The following SLC12A6 variants were observed in gnomAD, a reference collection of about 807,000 sequenced individuals.
The protein encoded by SLC12A6 is K-Cl cotransporter 3.
In SLC12A6, 66 loss-of-function variants were observed where a neutral mutation model predicts 135.3. That is an observed-to-expected ratio of 0.49 (90% CI 0.40 to 0.60). SLC12A6 has a LOEUF of 0.60. SLC12A6 is among the 20% of genes least tolerant of loss of function. The pLI is 0.00. For missense variants in SLC12A6, 1,058 were observed against 1,452.3 expected, an observed-to-expected ratio of 0.73 and a Z score of 4.41; for synonymous variants, 513 against 508.8, an observed-to-expected ratio of 1.01 and a Z score of -0.11.
At chr15:34,236,450 C>T (rs1595398924) in intron 23 of SLC12A6, among the ~76,000 whole-genome samples, 1 of 152,146 alleles carries the variant, frequency 6.6e-6, no homozygotes, top group East Asian at 1.9e-4. Context: ...GGTTTAAGCA[C>T]TTCTCTGCCT....
At chr15:34,327,799 C>T (rs1266660175) in intron 2 of SLC12A6, among the ~76,000 whole-genome samples, 3 of 152,080 alleles carry the variant, frequency 2.0e-5, no homozygotes, top group African/African-American at 7.2e-5. Flanking sequence ...TATTAGTGTT[C>T]TCTCTTCTCT....
chr15:34,259,897 C>T (rs184408816), intron 4 of SLC12A6, among the ~76,000 whole-genome samples: 1 of 152,100 alleles, frequency 6.6e-6, no homozygotes. Context: ...AAGTAGAACT[C>T]GTAGTAATAG....
At chr15:34,257,428 T>C (rs999977639) in intron 6 of SLC12A6, 1 of 531,024 alleles carries the variant, frequency 1.9e-6, no homozygotes, top group Non-Finnish European at 3.4e-6. Flanking sequence ...TGCTTTGTAA[T>C]TTCTAGTACA....
intron 13 of SLC12A6, among the ~76,000 whole-genome samples, chr15:34,249,579 TAGAAA>T (rs1182247778): frequency 2.6e-5 from 4 of 151,438 alleles, no homozygotes; most frequent in African/African-American, 7.3e-5. Flanking sequence ...AATAAATAAG[TAGAAA>T]AGAAAAGAAG....
rs111631907 is a variant in SLC12A6, at chr15:34,235,591, T to C, written c.3228-277A>G. 0.016 allele frequency among the ~76,000 whole-genome samples: 2,370 copies of C among 151,856 alleles called. 66 individuals carry two copies. Among genetic ancestry groups the C allele is most frequent in the African/African-American group, 0.055 (2,270 of 41,388 alleles). On this transcript the variant is annotated intron_variant, in intron 24 of 25. Coordinates refer to ENST00000354181, the MANE Select transcript of SLC12A6 (RefSeq NM_001365088.1). ...CTGGGATTACAGGCCCCCACCACCA[T>C]ACCCGGCTAATTTTTTTTGTATTTT...
Position 34,310,340 on chromosome 15 carries a change from C to T in SLC12A6, c.271+26070G>A, listed in dbSNP as rs558598684. Among the ~76,000 whole-genome samples the T allele has an allele frequency of 1.3e-4, 14 of 109,716 alleles. No individual in the cohort carries two copies. In the East Asian group the frequency reaches 2.6e-3, roughly 20 times the overall value. The allele number at this position is 109,716 out of a possible 152,430, so 72.0% of individuals were successfully genotyped here. The stretch of plus-strand genomic sequence containing the variant: ...GTGTGTGTGTGTCCCCGTGTCCAGG[C>T]TGGTGTTGAACTCCTGGGCTCAAGT... On this transcript the variant is annotated intron_variant, in intron 2 of 25. Transcript: ENST00000354181.
At chr15:34,311,087 C>G (rs1274019661) in intron 2 of SLC12A6, among the ~76,000 whole-genome samples, 4 of 152,116 alleles carry the variant, frequency 2.6e-5, no homozygotes, top group African/African-American at 9.7e-5. Context: ...TGGAGATGCT[C>G]TTCAATACCA....
chr15:34,321,596 C>G (rs1322064920), intron 2 of SLC12A6, among the ~76,000 whole-genome samples: 1 of 152,216 alleles, frequency 6.6e-6, no homozygotes, highest in Non-Finnish European at 1.5e-5. Flanking sequence ...CCCCTATAAT[C>G]TGGCAATTCC....
At chr15:34,284,929 G>A (rs188120998) in intron 2 of SLC12A6, among the ~76,000 whole-genome samples, 115 of 152,324 alleles carry the variant, frequency 7.5e-4, no homozygotes, top group African/African-American at 2.6e-3. Flanking sequence ...AGTGCTAAGC[G>A]AAGCAGGTAT....
At chr15:34,280,708 A>T (rs1430464239) in intron 2 of SLC12A6, among the ~76,000 whole-genome samples, 2 of 152,188 alleles carry the variant, frequency 1.3e-5, no homozygotes, top group Non-Finnish European at 2.9e-5. Flanking sequence ...TAAAATTAGT[A>T]TATCAAAGAG....
At position 34,233,192 on chromosome 15, in the gene SLC12A6, GTT is replaced by G. The variant is rs1214263853; in HGVS notation, c.*687_*688del. ...CAATTTCCATGGTAACACTGCCTGT[GTT>G]ACAATGACAGAATGGGTTTTGAGTT... On this transcript the variant is annotated 3_prime_UTR_variant, in exon 26 of 26. Transcript: ENST00000354181. The G allele has an allele frequency of 1.3e-5, 2 of 152,244 alleles. No homozygotes were observed. Among genetic ancestry groups the G allele is most frequent in the African/African-American group, 4.8e-5 (2 of 41,412 alleles). 9.4% of individuals were successfully genotyped at this position (152,244 alleles called of 1,614,324 possible). A position where few individuals can be genotyped will look rare whatever the true frequency, so the allele number is the denominator to read the frequency against.
At chr15:34,247,545 A>C (rs2140706734) in intron 13 of SLC12A6, among the ~76,000 whole-genome samples, 1 of 152,144 alleles carries the variant, frequency 6.6e-6, no homozygotes, top group East Asian at 1.9e-4. Context: ...ATGTGCAAAA[A>C]AACAACAAAT....
chr15:34,326,595 T>C (rs1000047310), intron 2 of SLC12A6, among the ~76,000 whole-genome samples: 3 of 152,136 alleles, frequency 2.0e-5, no homozygotes, highest in Admixed American at 6.6e-5. Context: ...TCTAGGCACA[T>C]AATTTGTGTA....
chr15:34,304,185 T>A (rs1896444371), intron 2 of SLC12A6, among the ~76,000 whole-genome samples: 1 of 152,182 alleles, frequency 6.6e-6, no homozygotes, highest in Non-Finnish European at 1.5e-5. Flanking sequence ...TGTTTGGGGT[T>A]TTTTGCAACT....
chr15:34,287,279 G>A (rs1895156395), intron 2 of SLC12A6, among the ~76,000 whole-genome samples: 1 of 152,144 alleles, frequency 6.6e-6, no homozygotes, highest in Non-Finnish European at 1.5e-5. Flanking sequence ...GATGTTTCCA[G>A]CTTCATCCAT....
intron 2 of SLC12A6, among the ~76,000 whole-genome samples, chr15:34,307,127 A>C (rs1896653420): frequency 1.3e-5 from 2 of 152,200 alleles, no homozygotes; most frequent in Non-Finnish European, 2.9e-5. Flanking sequence ...TCATCAACAA[A>C]ATATACACCT....
rs560672116 is a variant in SLC12A6 at position 34,256,399 on chromosome 15, G to A, written c.691-116C>T. ...AACATTTAACTCTACCTACTTTTAT[G>A]GACAGTCATACCTAATGGTATGGAA... On this transcript the variant is annotated intron_variant, in intron 6 of 25. Coordinates refer to ENST00000354181, the MANE Select transcript of SLC12A6 (RefSeq NM_001365088.1). 418 of 733,806 alleles carry A rather than the reference G, an allele frequency of 5.7e-4. No homozygotes were observed. In the African/African-American group the frequency reaches 6.7e-3, roughly 12 times the overall value. 45.5% of individuals were successfully genotyped at this position (733,806 alleles called of 1,614,324 possible).
At chr15:34,296,690 C>G (rs1013402568) in intron 2 of SLC12A6, among the ~76,000 whole-genome samples, 2 of 152,142 alleles carry the variant, frequency 1.3e-5, no homozygotes, top group African/African-American at 4.8e-5. Flanking sequence ...GCTAATGCAG[C>G]AGAGTTCACA....
intron 2 of SLC12A6, among the ~76,000 whole-genome samples, chr15:34,286,629 T>C (rs1895100729): frequency 6.6e-6 from 1 of 151,800 alleles, no homozygotes; most frequent in African/African-American, 2.4e-5. Context: ...ACCCAGTCTC[T>C]ACTAAAAATA....
Sources: gnomAD v4.1 joint callset for allele counts (sites outside exome capture counted in the v4.1 genomes callset) on GRCh38, gnomAD v4.1.1 for gene constraint, MANE v1.5 for transcripts, NCBI Gene and HGNC (gene_info 2026-07-23, HGNC 2026-07-21) for gene names.